The following NAALADL2 variants were observed in gnomAD, a reference collection of about 807,000 sequenced individuals.
NAALADL2 encodes N-acetylated alpha-linked acidic dipeptidase like 2, also known as inactive N-acetylated-alpha-linked acidic dipeptidase-like protein 2.
Under a neutral mutation model 87.2 loss-of-function variants are expected in NAALADL2, and 76 were observed. The observed-to-expected ratio is 0.87, with a 90% CI of 0.72 to 1.05. The LOEUF is 1.05. Among genes scored for constraint, NAALADL2 ranks in the 50% least tolerant of loss-of-function variants. NAALADL2 has a pLI of 0.00. For synonymous variants in NAALADL2, 354 were observed against 331.0 expected (o/e 1.07, Z -0.75); for missense variants, 1,089 against 945.8 (o/e 1.15, Z -1.99).
chr3:175,077,794 G>A (rs1019917880), intron 1 of NAALADL2, among the ~76,000 whole-genome samples: 23 of 151,938 alleles, frequency 1.5e-4, no homozygotes, highest in African/African-American at 5.6e-4. Context: ...GGGTGTGCAT[G>A]GTTCTTTTAT....
intron 12 of NAALADL2, among the ~76,000 whole-genome samples, chr3:175,752,797 G>A (rs1746775446): frequency 6.6e-6 from 1 of 152,104 alleles, no homozygotes; most frequent in African/African-American, 2.4e-5. Flanking sequence ...GTTCAATTCT[G>A]TAATGTACTT....
At chr3:175,741,191 G>C (rs1200919651) in intron 12 of NAALADL2, among the ~76,000 whole-genome samples, 1 of 152,136 alleles carries the variant, frequency 6.6e-6, no homozygotes, top group Non-Finnish European at 1.5e-5. Context: ...CAATTCTGGA[G>C]GCTGAGATAT....
chr3:175,422,747 A>C (rs58805500), intron 5 of NAALADL2, among the ~76,000 whole-genome samples: 27,167 of 151,920 alleles, frequency 0.18, 3,506 homozygotes, highest in African/African-American at 0.36. Flanking sequence ...AACAAAAACT[A>C]GTCATCAGGT....
At chr3:175,327,293 C>A (rs902627756) in intron 5 of NAALADL2, among the ~76,000 whole-genome samples, 4 of 151,680 alleles carry the variant, frequency 2.6e-5, no homozygotes, top group African/African-American at 4.8e-5. Flanking sequence ...GTAGCTGGGA[C>A]TACAGGCGCC....
chr3:174,971,721 G>A (rs954461972), intron 1 of NAALADL2, among the ~76,000 whole-genome samples: 3 of 145,564 alleles, frequency 2.1e-5, no homozygotes, highest in Non-Finnish European at 4.5e-5. Flanking sequence ...TTTTTGAGAC[G>A]GAGTCTCGCT....
At chr3:174,687,732 C>A (rs183797643) in intron 2 of NAALADL2, among the ~76,000 whole-genome samples, 1 of 152,112 alleles carries the variant, frequency 6.6e-6, no homozygotes, top group Non-Finnish European at 1.5e-5. Context: ...CCACCCAAAT[C>A]TCACCTTGAA....
chr3:174,450,895 A>G (rs1227923493), intron 1 of NAALADL2, among the ~76,000 whole-genome samples: 1 of 144,586 alleles, frequency 6.9e-6, no homozygotes, highest in African/African-American at 2.5e-5. Flanking sequence ...AAAAAAAAAG[A>G]AAGAAAGAAA....
At chr3:175,217,771 C>G (rs1273051989) in intron 2 of NAALADL2, among the ~76,000 whole-genome samples, 2 of 152,112 alleles carry the variant, frequency 1.3e-5, no homozygotes, top group Non-Finnish European at 2.9e-5. Flanking sequence ...CTTAAGAAGC[C>G]AAACAAGGAT....
chr3:175,588,095 A>G (rs1720806883), intron 10 of NAALADL2, among the ~76,000 whole-genome samples: 1 of 152,084 alleles, frequency 6.6e-6, no homozygotes, highest in Admixed American at 6.6e-5. Flanking sequence ...GGTAAAAAAA[A>G]AAAAAAATGC....
intron 4 of NAALADL2, among the ~76,000 whole-genome samples, chr3:175,314,176 A>G (rs1222309664): frequency 2.0e-5 from 3 of 151,680 alleles, no homozygotes; most frequent in Non-Finnish European, 4.4e-5. Flanking sequence ...TGTCCTGCCC[A>G]TATATTGCTA....
intron 4 of NAALADL2, among the ~76,000 whole-genome samples, chr3:175,314,692 A>ATATATAGTTCTAAC (rs1553857569): frequency 3.4e-4 from 23 of 68,326 alleles, no homozygotes; most frequent in East Asian, 1.3e-3. Flanking sequence ...ATATATATAT[A>ATATATAGTTCTAAC]TATATATATA....
chr3:175,609,491 T>G (rs1724287592), intron 10 of NAALADL2: 1 of 152,144 alleles, frequency 6.6e-6, no homozygotes, highest in Admixed American at 6.6e-5. Flanking sequence ...CTTTGTGCAG[T>G]GGCAGTATCG....
chr3:174,874,694 AT>A (rs202181722), intron 1 of NAALADL2, among the ~76,000 whole-genome samples: 16 of 151,980 alleles, frequency 1.1e-4, no homozygotes, highest in African/African-American at 3.6e-4. Context: ...TTCAAGGTAT[AT>A]TTTTTTTGCT....
chr3:174,831,921 G>A (rs1722750907), intron 3 of NAALADL2, among the ~76,000 whole-genome samples: 1 of 151,088 alleles, frequency 6.6e-6, no homozygotes, highest in Non-Finnish European at 1.5e-5. Flanking sequence ...ATTCTCTGAT[G>A]GTAGTTTGTA....
intron 2 of NAALADL2, among the ~76,000 whole-genome samples, chr3:175,206,814 C>CAAAA (rs1740999314): frequency 1.3e-5 from 2 of 152,146 alleles, no homozygotes; most frequent in African/African-American, 4.8e-5. Context: ...TGGCTTAGGT[C>CAAAA]TGCTAATCCT....
chr3:174,851,732 A>G (rs1725288612), intron 3 of NAALADL2, among the ~76,000 whole-genome samples: 1 of 152,120 alleles, frequency 6.6e-6, no homozygotes, highest in Non-Finnish European at 1.5e-5. Context: ...AACTCTTTCT[A>G]CAAGGCTAGT....
At chr3:174,613,385 A>C (rs1233960659) in intron 2 of NAALADL2, among the ~76,000 whole-genome samples, 1 of 152,208 alleles carries the variant, frequency 6.6e-6, no homozygotes, top group Non-Finnish European at 1.5e-5. Flanking sequence ...TGCAGGCCCC[A>C]GCTGGGTTCA....
At chr3:174,889,446 T>G (rs1171541501) in intron 1 of NAALADL2, among the ~76,000 whole-genome samples, 1 of 152,176 alleles carries the variant, frequency 6.6e-6, no homozygotes, top group Non-Finnish European at 1.5e-5. Context: ...CACCTGCCTT[T>G]AGTTCCCTGC....
chr3:174,595,808 C>T (rs975610450), intron 2 of NAALADL2, among the ~76,000 whole-genome samples: 6 of 151,892 alleles, frequency 4.0e-5, no homozygotes, highest in Admixed American at 1.3e-4. Flanking sequence ...CTTGGGAGTT[C>T]GAGACCAGCC....
Sources: gnomAD v4.1 joint callset for allele counts (sites outside exome capture counted in the v4.1 genomes callset) on GRCh38, gnomAD v4.1.1 for gene constraint, MANE v1.5 for transcripts, NCBI Gene and HGNC (gene_info 2026-07-23, HGNC 2026-07-21) for gene names.